The following SORCS2 variants were observed in gnomAD, a reference collection of about 807,000 sequenced individuals.
The protein encoded by SORCS2 is sortilin related VPS10 domain containing receptor 2.
In SORCS2, 100 loss-of-function variants were observed where a neutral mutation model predicts 141.6. The observed-to-expected ratio is 0.71, with a 90% confidence interval of 0.60 to 0.83. The LOEUF (loss-of-function observed/expected upper bound fraction) is 0.83, where lower values mean the gene tolerates loss of function less well. Ranked by LOEUF, SORCS2 falls within the 40% of genes least tolerant of loss-of-function variation. SORCS2 has a pLI of 0.00. For missense variants in SORCS2, 1,646 were observed against 1,560.2 expected, an observed-to-expected ratio of 1.05 and a Z score of -0.93; for synonymous variants, 789 against 676.9, an observed-to-expected ratio of 1.17 and a Z score of -2.57.
intron 7 of SORCS2, among the ~76,000 whole-genome samples, chr4:7,666,431 A>T (rs1414459955): frequency 1.3e-5 from 2 of 152,132 alleles, no homozygotes; most frequent in African/African-American, 2.4e-5. Flanking sequence ...ACCCCAGCCC[A>T]GGCCTCCCCT....
intron 2 of SORCS2, among the ~76,000 whole-genome samples, chr4:7,465,488 GCA>G (rs1393192288): frequency 2.6e-5 from 4 of 151,998 alleles, no homozygotes; most frequent in Middle Eastern, 3.4e-3. Context: ...GTGGGCACAG[GCA>G]CTGTGAGGAG....
chr4:7,451,478 G>GCTGGGTT (rs1466279939), intron 2 of SORCS2, among the ~76,000 whole-genome samples: 3 of 152,272 alleles, frequency 2.0e-5, no homozygotes, highest in African/African-American at 7.2e-5. Flanking sequence ...AGTGCTGGGT[G>GCTGGGTT]CTGGGAATAC....
At position 7,740,825 on chromosome 4, in the gene SORCS2, G is replaced by A. The variant is rs1015833568; in HGVS notation, c.*561G>A. On this transcript the variant is annotated 3_prime_UTR_variant, in exon 27 of 27. Coordinates refer to ENST00000507866, the MANE Select transcript of SORCS2 (RefSeq NM_020777.3). ...GGCTGGAAACTGCAGCTCTGTAAAT[G>A]CCTCTCTAGGTAGCTGCTGGCGGTG... The A allele has an allele frequency of 5.2e-6, 2 of 384,446 alleles. No individual in the cohort carries two copies. Among genetic ancestry groups the A allele is most frequent in the Admixed American group, 4.4e-5 (1 of 22,904 alleles). The allele number at this position is 384,446 out of a possible 1,614,324, so 23.8% of individuals were successfully genotyped here. A position where few individuals can be genotyped will look rare whatever the true frequency, so the allele number is the denominator to read the frequency against.
chr4:7,538,610 C>CACACACACACACACACA (rs1491451455), intron 3 of SORCS2, among the ~76,000 whole-genome samples: 5 of 142,868 alleles, frequency 3.5e-5, no homozygotes, highest in African/African-American at 1.2e-4. Context: ...CACACACACA[C>CACACACACACACACACA]ATTTTCACCA....
intron 1 of SORCS2, among the ~76,000 whole-genome samples, chr4:7,196,033 A>G (rs114438049): frequency 6.6e-6 from 1 of 152,352 alleles, no homozygotes; most frequent in African/African-American, 2.4e-5. Context: ...AAGCAGTCCC[A>G]GGATTTAAGC....
intron 1 of SORCS2, among the ~76,000 whole-genome samples, chr4:7,319,759 G>A (rs1376403411): frequency 6.6e-6 from 1 of 152,142 alleles, no homozygotes; most frequent in Admixed American, 6.5e-5. Flanking sequence ...ATCTGGAATG[G>A]CTTCTTTAAA....
chr4:7,460,813 C>T (rs1560303680), intron 2 of SORCS2, among the ~76,000 whole-genome samples: 1 of 152,312 alleles, frequency 6.6e-6, no homozygotes, highest in South Asian at 2.1e-4. Context: ...TGCATTTTCA[C>T]ATCTGTGGCC....
At chr4:7,260,292 G>T (rs1397783167) in intron 1 of SORCS2, among the ~76,000 whole-genome samples, 2 of 152,174 alleles carry the variant, frequency 1.3e-5, no homozygotes, top group Non-Finnish European at 2.9e-5. Context: ...ACTCAAAGGG[G>T]TCTGCTGTGT....
rs545401141 is a variant in SORCS2 at position 7,659,184 on chromosome 4, G to A, written c.888-2316G>A. On this transcript the variant is annotated intron_variant, in intron 5 of 26. Coordinates refer to ENST00000507866, the MANE Select transcript of SORCS2 (RefSeq NM_020777.3). ...AAAGTGGCAGGTAGATGACAGTTCA[G>A]TGGGCACATGGAGATGGTGAAATCT... Among the ~76,000 whole-genome samples the A allele has an allele frequency of 4.9e-4, 75 of 152,098 alleles. No individual in the cohort carries two copies. The South Asian group carries it at 8.9e-3, about 18-fold the overall frequency.
intron 1 of SORCS2, among the ~76,000 whole-genome samples, chr4:7,311,721 T>G (rs1272985899): frequency 3.3e-5 from 5 of 152,230 alleles, no homozygotes; most frequent in Non-Finnish European, 7.3e-5. Context: ...TAGAATCCTT[T>G]GTCATTTTAA....
chr4:7,250,747 C>A (rs753372961), intron 1 of SORCS2, among the ~76,000 whole-genome samples: 1 of 152,250 alleles, frequency 6.6e-6, no homozygotes, highest in Non-Finnish European at 1.5e-5. Context: ...AGCGCTTTTG[C>A]GGCTGCAGTT....
chr4:7,364,667 G>A (rs1355487574), intron 1 of SORCS2, among the ~76,000 whole-genome samples: 3 of 152,186 alleles, frequency 2.0e-5, no homozygotes, highest in African/African-American at 7.2e-5. Context: ...AAGTCAGGGA[G>A]CAAGCTAACA....
At chr4:7,581,600 A>G (rs975910227) in intron 3 of SORCS2, among the ~76,000 whole-genome samples, 2 of 152,150 alleles carry the variant, frequency 1.3e-5, no homozygotes, top group African/African-American at 2.4e-5. Context: ...AGGCCTGGTC[A>G]TTTGAGGCCC....
chr4:7,730,738 C>T (rs77033187), intron 23 of SORCS2, among the ~76,000 whole-genome samples: 1,881 of 152,160 alleles, frequency 0.012, 35 homozygotes, highest in East Asian at 0.035. Context: ...TGGGGGAGGG[C>T]GCATGGCGAG....
intron 2 of SORCS2, among the ~76,000 whole-genome samples, chr4:7,494,074 T>C (rs1220313677): frequency 6.6e-6 from 1 of 152,140 alleles, no homozygotes; most frequent in Non-Finnish European, 1.5e-5. Context: ...CACACACTCA[T>C]ACGTTCACAT....
chr4:7,451,096 G>GTGAGTGAATGAGTGAGTGAA (rs1313082788), intron 2 of SORCS2, among the ~76,000 whole-genome samples: 1 of 152,196 alleles, frequency 6.6e-6, no homozygotes, highest in Non-Finnish European at 1.5e-5. Context: ...GAGTGACTGA[G>GTGAGTGAATGAGTGAGTGAA]TGAGTGAATG....
intron 2 of SORCS2, among the ~76,000 whole-genome samples, chr4:7,456,541 C>A (rs1409963688): frequency 2.0e-5 from 3 of 152,154 alleles, no homozygotes; most frequent in African/African-American, 7.2e-5. Flanking sequence ...TGTCCCTCCC[C>A]ACCTGAGGAC....
intron 3 of SORCS2, among the ~76,000 whole-genome samples, chr4:7,618,270 A>T (rs1718899693): frequency 1.3e-5 from 2 of 151,878 alleles, no homozygotes; most frequent in African/African-American, 2.4e-5. Context: ...TGCACTAGTG[A>T]GGTCTGTGCT....
intron 8 of SORCS2, among the ~76,000 whole-genome samples, chr4:7,673,292 G>A (rs902804043): frequency 2.6e-5 from 4 of 152,194 alleles, no homozygotes; most frequent in African/African-American, 4.8e-5. Context: ...GAAATGTTGC[G>A]ATGTGGCAAT....
Sources: allele counts gnomAD v4.1 joint callset (sites outside exome capture counted in the v4.1 genomes callset), GRCh38; gene constraint gnomAD v4.1.1; transcripts MANE v1.5; gene names NCBI Gene and HGNC (gene_info 2026-07-23, HGNC 2026-07-21).